FLRT1: variants seen among roughly 807,000 people sequenced by gnomAD.
FLRT1 encodes the protein fibronectin leucine rich transmembrane protein 1, also known as leucine-rich repeat transmembrane protein FLRT1.
FLRT1 carries 14 observed loss-of-function variants against 30.9 expected under a neutral mutation model. The ratio of observed to expected loss-of-function variants is 0.45; its 90% CI spans 0.30 to 0.71. The LOEUF is 0.71. Ranked by LOEUF, FLRT1 falls within the 30% of genes least tolerant of loss-of-function variation. The pLI is 0.08. For missense variants in FLRT1, 737 were observed against 949.2 expected (o/e 0.78, Z 2.94); for synonymous variants, 368 against 430.4 (o/e 0.85, Z 1.80).
chr11:64,038,061 T>A (rs1369491502), intron 1 of FLRT1, among the ~76,000 whole-genome samples: 1 of 152,104 alleles, frequency 6.6e-6, no homozygotes, highest in African/African-American at 2.4e-5. Flanking sequence ...CTGGACTTCA[T>A]CCTCACGCTG....
intron 1 of FLRT1, among the ~76,000 whole-genome samples, chr11:64,065,580 G>A (rs1006498766): frequency 1.3e-5 from 2 of 151,944 alleles, no homozygotes; most frequent in Non-Finnish European, 2.9e-5. Flanking sequence ...ACGAGGTCAG[G>A]AGATCAAGAC....
chr11:64,109,093 C>A (rs1944815020), intron 2 of FLRT1, among the ~76,000 whole-genome samples: 1 of 152,168 alleles, frequency 6.6e-6, no homozygotes, highest in Non-Finnish European at 1.5e-5. Flanking sequence ...GAGATGCCCC[C>A]ATCCCAGGGA....
intron 1 of FLRT1, among the ~76,000 whole-genome samples, chr11:64,046,021 A>G (rs899239182): frequency 6.6e-6 from 1 of 152,224 alleles, no homozygotes; most frequent in African/African-American, 2.4e-5. Context: ...ATCTCATTTA[A>G]TCCCCATAAG....
chr11:64,109,423 C>G (rs1010254853), intron 2 of FLRT1, among the ~76,000 whole-genome samples: 4 of 152,142 alleles, frequency 2.6e-5, no homozygotes, highest in Non-Finnish European at 5.9e-5. Flanking sequence ...CCGGCCTCTC[C>G]CCACTCGTGA....
chr11:64,060,134 G>A (rs1943870931), intron 1 of FLRT1, among the ~76,000 whole-genome samples: 1 of 152,262 alleles, frequency 6.6e-6, no homozygotes, highest in Non-Finnish European at 1.5e-5. Flanking sequence ...TGTTTAATTA[G>A]TGTTCTGTCA....
chr11:64,107,835 C>T (rs904395009), intron 2 of FLRT1, among the ~76,000 whole-genome samples: 2 of 152,176 alleles, frequency 1.3e-5, no homozygotes, highest in Non-Finnish European at 2.9e-5. Context: ...GGGCATCTGC[C>T]TGAACTAGGG....
At chr11:64,039,457 G>T (rs981454482) in intron 1 of FLRT1, among the ~76,000 whole-genome samples, 2 of 152,158 alleles carry the variant, frequency 1.3e-5, no homozygotes, top group African/African-American at 4.8e-5. Flanking sequence ...TGTTCTGCCG[G>T]AGACAAAGTT....
intron 1 of FLRT1, among the ~76,000 whole-genome samples, chr11:64,060,271 G>A (rs1171452965): frequency 6.6e-6 from 1 of 152,336 alleles, no homozygotes; most frequent in East Asian, 1.9e-4. Flanking sequence ...CAGAGCTCCG[G>A]GAGCGGCGGG....
At position 64,096,496 on chromosome 11, in the gene FLRT1, A is replaced by C. The variant is rs1043681278; in HGVS notation, c.-1037-6698A>C. On this transcript the variant is annotated intron_variant, in intron 1 of 2. Coordinates refer to ENST00000682287, the MANE Select transcript of FLRT1 (RefSeq NM_013280.5). This position sits in a 1 kb window ranked among gnomAD's most constrained non-coding sequence, Gnocchi z 4.6. ...AGTGGTATGATCTCGGCTCACTGCA[A>C]CCTCCGCCTTCCGGGTTCAAGCAAT... 2.7e-5 allele frequency among the ~76,000 whole-genome samples: 4 copies of C among 150,630 alleles called. No homozygotes were observed. Among genetic ancestry groups the C allele is most frequent in the Non-Finnish European group, 4.4e-5 (3 of 67,618 alleles).
chr11:64,098,375 G>T lies in FLRT1; in HGVS notation c.-1037-4819G>T, dbSNP rs775541272. ...CCTCCCACCTCCAGTCTTCACATAGGCTGTTCCCTCAGCCTGAAATGTTCT... is the reference window on the plus strand; with the variant it reads ...CCTCCCACCTCCAGTCTTCACATAGTCTGTTCCCTCAGCCTGAAATGTTCT... On this transcript the variant is annotated intron_variant, in intron 1 of 2. Coordinates refer to ENST00000682287, the MANE Select transcript of FLRT1 (RefSeq NM_013280.5). Among the ~76,000 whole-genome samples the T allele has an allele frequency of 3.3e-5, 5 of 152,154 alleles. No homozygotes were observed. The South Asian group carries it at 6.2e-4, about 19-fold the overall frequency.
chr11:64,116,140 T>G (rs1590930891), intron 2 of FLRT1, 79 bp from the exon 3 acceptor site: 4 of 1,385,056 alleles, frequency 2.9e-6, no homozygotes, highest in Non-Finnish European at 3.8e-6. Flanking sequence ...GGCTGGCAGG[T>G]GGGAGGGAAT....
In FLRT1 at chr11:64,106,680, C is replaced by G. The variant is rs115873215; in HGVS notation, c.-50+2499C>G. Among the ~76,000 whole-genome samples the G allele has an allele frequency of 6.4e-3, 971 of 152,306 alleles. 7 individuals carry two copies. The highest frequency in any genetic ancestry group is 0.022 in the African/African-American group (907 of 41,574). ...AGCCTTTACTGGTCACACTGCTCCT[C>G]TCCAGGCTCTCTGCTGTGGCCCAGG... On this transcript the variant is annotated intron_variant, in intron 2 of 2. Transcript: ENST00000682287.
chr11:64,117,304 G>A lies in FLRT1; in HGVS notation c.1037G>A (p.Arg346Gln), dbSNP rs781063452. The change falls in exon 3 of 3, where the codon CGG becomes CAG. Residue 346 changes from arginine (R) to glutamine (Q), a missense_variant. Arg to Gln is a conservative substitution (Grantham distance 43). Coordinates refer to ENST00000682287, the MANE Select transcript of FLRT1 (RefSeq NM_013280.5). ...TGGCTGCGGGACTGGGTGAAGGCACGGGCGGCCGTGGTCAACGTGCGGGGC... is the reference window on the plus strand; with the variant it reads ...TGGCTGCGGGACTGGGTGAAGGCACAGGCGGCCGTGGTCAACGTGCGGGGC... Reference protein sequence around the residue: ...LMWLRDWVKARAAVVNVRGLM... With the variant: ...LMWLRDWVKAQAAVVNVRGLM... 17 of 1,614,010 alleles carry A rather than the reference G, an allele frequency of 1.1e-5. No homozygotes were observed. The highest frequency in any genetic ancestry group is 2.2e-5 in the East Asian group (1 of 44,892).
intron 1 of FLRT1, among the ~76,000 whole-genome samples, chr11:64,059,219 G>T (rs1011396755): frequency 6.6e-6 from 1 of 152,198 alleles, no homozygotes; most frequent in African/African-American, 2.4e-5. Flanking sequence ...GCAAAGGCTG[G>T]CTCCAGATTC....
At chr11:64,065,093 G>A (rs968394338) in intron 1 of FLRT1, among the ~76,000 whole-genome samples, 1 of 152,218 alleles carries the variant, frequency 6.6e-6, no homozygotes, top group Non-Finnish European at 1.5e-5. Context: ...CAGACTCGGC[G>A]GCCTCGGAGA....
chr11:64,041,006 C>A (rs185169739), intron 1 of FLRT1, among the ~76,000 whole-genome samples: 82 of 151,828 alleles, frequency 5.4e-4, no homozygotes, highest in Middle Eastern at 3.4e-3. Context: ...AGGCAGTGGC[C>A]GGGCTGGTTG....
intron 1 of FLRT1, among the ~76,000 whole-genome samples, chr11:64,083,298 TGGTG>T (rs1407495050): frequency 6.6e-6 from 1 of 152,116 alleles, no homozygotes; most frequent in Non-Finnish European, 1.5e-5. Context: ...CAGCTGGGCA[TGGTG>T]GTGGGCACCT....
intron 1 of FLRT1, among the ~76,000 whole-genome samples, chr11:64,061,596 TGGG>T (rs1456132171): frequency 1.3e-5 from 2 of 152,186 alleles, no homozygotes; most frequent in African/African-American, 4.8e-5. Flanking sequence ...TATCTGTGGA[TGGG>T]GTCCGAATCT....
At chr11:64,080,712 G>A (rs532494215) in intron 1 of FLRT1, among the ~76,000 whole-genome samples, 19 of 152,324 alleles carry the variant, frequency 1.2e-4, no homozygotes, top group African/African-American at 4.1e-4. Context: ...CAGGACCGGG[G>A]AAGGAGGACG....
Sources: gnomAD v4.1 joint callset for allele counts (sites outside exome capture counted in the v4.1 genomes callset) on GRCh38, gnomAD v4.1.1 for gene constraint, Gnocchi (gnomAD v3.1) non-coding constraint, MANE v1.5 for transcripts, NCBI Gene and HGNC (gene_info 2026-07-23, HGNC 2026-07-21) for gene names.